GH1: variants seen among roughly 807,000 people sequenced by gnomAD.
GH1 encodes the protein growth hormone 1, also known as somatotropin.
GH1 carries 13 observed loss-of-function variants against 24.5 expected under a neutral mutation model. The ratio of observed to expected loss-of-function variants is 0.53; its 90% confidence interval spans 0.35 to 0.85. The LOEUF is 0.85. GH1 is among the 40% of genes least tolerant of loss of function. GH1 has a pLI of 0.01. For missense variants in GH1, 294 were observed against 273.2 expected (o/e 1.08, Z -0.54); for synonymous variants, 126 against 116.3 (o/e 1.08, Z -0.54).
chr17:63,918,058 T>A lies in GH1; in HGVS notation c.250A>T (p.Ile84Phe). 4 of 1,614,178 alleles carry A rather than the reference T, an allele frequency of 2.5e-6. No individual in the cohort carries two copies. Among genetic ancestry groups the A allele is most frequent in the Non-Finnish European group, 3.4e-6 (4 of 1,180,036 alleles). Residue 84 changes from isoleucine (I) to phenylalanine (F), a missense_variant, in exon 3 of 5, where the codon ATT becomes TTT. Transcript: ENST00000323322. ...TCCTCCCTGTTGGAGGGTGTCGGAATAGACTCTGAGAAACAGAGGGAGGTC... is the reference window on the plus strand; with the variant it reads ...TCCTCCCTGTTGGAGGGTGTCGGAAAAGACTCTGAGAAACAGAGGGAGGTC... The part of the protein sequence containing the change: ...PQTSLCFSES[I>F]PTPSNREETQ...
Position 63,917,822 on chromosome 17 carries a change from A to G in GH1, c.394T>C (p.Ser132Pro). ...VFANSLVYGA[S>P]DSNVYDLLKD... ...AGGAGGTCATAGACGTTGCTGTCAG[A>G]GGCGCCGTACACCAGGCTGTTGGCG... is the stretch of plus-strand genomic sequence containing the variant. The change falls in exon 4 of 5, where the codon TCT becomes CCT. Residue 132 changes from serine to proline, a missense_variant. Coordinates refer to ENST00000323322, the MANE Select transcript of GH1 (RefSeq NM_000515.5). The G allele has an allele frequency of 6.2e-7, 1 of 1,614,094 alleles. No individual in the cohort carries two copies. Among genetic ancestry groups the G allele is most frequent in the Non-Finnish European group, 8.5e-7 (1 of 1,180,022 alleles).
chr17:63,918,657 C>T (rs1044868684), intron 1 of GH1, 110 bp downstream of exon 1: 104 of 1,610,636 alleles, frequency 6.5e-5, no homozygotes, highest in African/African-American at 6.1e-4. Flanking sequence ...CATGGCGATA[C>T]TCACATTCAG....
rs1273874674 is a variant in GH1 at position 63,918,245 on chromosome 17, G to A, written c.171+101C>T. The A allele has an allele frequency of 3.1e-6, 5 of 1,611,466 alleles. No individual in the cohort carries two copies. In the Admixed American group the frequency reaches 6.7e-5, roughly 21 times the overall value. On this transcript the variant is annotated intron_variant, in intron 2 of 4. Coordinates refer to ENST00000323322, the MANE Select transcript of GH1 (RefSeq NM_000515.5). ...TCATCTGCCTGCATTTTCGCTTCGG[G>A]AAAAACCCTGAGCTCCTTAGTCTCC...
chr17:63,917,864 A>G lies in GH1; in HGVS notation c.352T>C (p.Phe118Leu), dbSNP rs372776291. ...CTGTTGGCGAAGACACTCCTGAGGA[A>G]CTGCACGGGCTCCAGCCACGACTGG... The part of the protein sequence containing the change: ...LIQSWLEPVQ[F>L]LRSVFANSLV... Residue 118 changes from phenylalanine to leucine, a missense_variant, in exon 4 of 5, where the codon TTC (phenylalanine) becomes CTC (leucine). By Grantham distance (22) the Phe-to-Leu change is conservative. Coordinates refer to ENST00000323322, the MANE Select transcript of GH1 (RefSeq NM_000515.5). The G allele has an allele frequency of 4.3e-5, 70 of 1,614,020 alleles. No individual in the cohort carries two copies. Among genetic ancestry groups the G allele is most frequent in the South Asian group, 3.2e-4 (29 of 91,084 alleles).
rs117839740 is a variant in GH1, at chr17:63,917,742, C to A, written c.456+18G>T. Reference sequence around the variant, plus strand: ...TCAGTGGGGCTCCAGGATTGGGGACCCCTGGCGCCACCCTCACCCCCATCA... The same window carrying A: ...TCAGTGGGGCTCCAGGATTGGGGACACCTGGCGCCACCCTCACCCCCATCA... On this transcript the variant is annotated intron_variant, in intron 4 of 4. Transcript: ENST00000323322. The A allele has an allele frequency of 6.3e-4, 1,022 of 1,614,148 alleles. 15 individuals carry two copies. In the East Asian group the frequency reaches 0.022, roughly 34 times the overall value.
In GH1 at chr17:63,918,124, T is replaced by C; in HGVS notation, c.184A>G (p.Ile62Val). The stretch of plus-strand genomic sequence containing the variant: ...AATGAATACTTCTGTTCCTTTGGGA[T>C]ATAGGCTTCTTCCTAGGAGAAGGAC... The part of the protein sequence containing the change: ...DTYQEFEEAY[I>V]PKEQKYSFLQ... Residue 62 changes from isoleucine (I) to valine (V), a missense_variant, in exon 3 of 5, where the codon ATC (isoleucine) becomes GTC (valine). Physicochemically the swap from Ile to Val is conservative, Grantham distance 29. Coordinates refer to ENST00000323322, the MANE Select transcript of GH1 (RefSeq NM_000515.5). 1 of 1,614,168 alleles carries C rather than the reference T, an allele frequency of 6.2e-7. No individual in the cohort carries two copies. Among genetic ancestry groups the C allele is most frequent in the South Asian group, 1.1e-5 (1 of 91,078 alleles).
chr17:63,917,941 G>A lies in GH1; in HGVS notation c.292-17C>T. ...CTCTAGGTTCTGCAGGGGAAGGACG[G>A]GCATTGGCTGTGCTGCCCGGGGGCT... On this transcript the variant is annotated splice_polypyrimidine_tract_variant and intron_variant, in intron 3 of 4. Transcript: ENST00000323322. 6.2e-7 allele frequency: 1 copy of A among 1,613,960 alleles called. No homozygotes were observed. Among genetic ancestry groups the A allele is most frequent in the South Asian group, 1.1e-5 (1 of 91,070 alleles).
rs1300545781 is a variant in GH1 at position 63,918,156 on chromosome 17, C to G, written c.172-20G>C. The G allele has an allele frequency of 3.7e-6, 6 of 1,614,014 alleles. No homozygotes were observed. Among genetic ancestry groups the G allele is most frequent in the Non-Finnish European group, 4.2e-6 (5 of 1,180,034 alleles). ...TTCTTCCTAGGAGAAGGACCGCCCACCAAGGTCTACGCTGGAGACCAGCTC... is the reference window on the plus strand; with the variant it reads ...TTCTTCCTAGGAGAAGGACCGCCCAGCAAGGTCTACGCTGGAGACCAGCTC... On this transcript the variant is annotated intron_variant, in intron 2 of 4. Transcript: ENST00000323322.
At chr17:63,918,257 G>A in intron 2 of GH1, 89 bp downstream of exon 2, 1 of 1,610,178 alleles carries the variant, frequency 6.2e-7, no homozygotes. Context: ...AAAACCCTGA[G>A]CTCCTTAGTC....
At position 63,917,744 on chromosome 17, in the gene GH1, C is replaced by T. The variant is rs369888723; in HGVS notation, c.456+16G>A. On this transcript the variant is annotated intron_variant, in intron 4 of 4. Transcript: ENST00000323322. ...AGTGGGGCTCCAGGATTGGGGACCC[C>T]TGGCGCCACCCTCACCCCCATCAGC... 1.7e-5 allele frequency: 28 copies of T among 1,614,066 alleles called. No individual in the cohort carries two copies. The highest frequency in any genetic ancestry group is 2.1e-5 in the Non-Finnish European group (25 of 1,180,018).
chr17:63,918,320 T>C (rs41295033), intron 2 of GH1, 26 bp downstream of exon 2: 18 of 1,613,918 alleles, frequency 1.1e-5, no homozygotes, highest in East Asian at 2.2e-5. Flanking sequence ...CCACCCCTGA[T>C]GCGCACCCAT....
In GH1 at chr17:63,918,062, C is replaced by T; in HGVS notation, c.246G>A (p.Glu82=). 6.2e-7 allele frequency: 1 copy of T among 1,614,162 alleles called. No individual in the cohort carries two copies. The highest frequency in any genetic ancestry group is 8.5e-7 in the Non-Finnish European group (1 of 1,180,026). The change falls in exon 3 of 5, where the codon GAG becomes GAA. Residue 82 remains glutamate (E), a synonymous_variant. Transcript: ENST00000323322. Reference sequence around the variant, plus strand: ...CCCTGTTGGAGGGTGTCGGAATAGACTCTGAGAAACAGAGGGAGGTCTGGG... The same window carrying T: ...CCCTGTTGGAGGGTGTCGGAATAGATTCTGAGAAACAGAGGGAGGTCTGGG... ...QNPQTSLCFS[E]SIPTPSNREE... is the part of the protein sequence containing the mutation.
rs1907442578 is a variant in GH1 at position 63,917,848 on chromosome 17, A to C, written c.368T>G (p.Phe123Cys). The change falls in exon 4 of 5, where the codon TTC becomes TGC. Residue 123 changes from phenylalanine to cysteine, a missense_variant. By Grantham distance (205) the Phe-to-Cys change is radical. Transcript: ENST00000323322. The part of the protein sequence containing the change: ...LEPVQFLRSV[F>C]ANSLVYGASD... ...GGCGCCGTACACCAGGCTGTTGGCG[A>C]AGACACTCCTGAGGAACTGCACGGG... 6.2e-7 allele frequency: 1 copy of C among 1,614,034 alleles called. No individual in the cohort carries two copies. Among genetic ancestry groups the C allele is most frequent in the Non-Finnish European group, 8.5e-7 (1 of 1,180,030 alleles).
rs757586741 is a variant in GH1 at position 63,917,960 on chromosome 17, G to C, written c.292-36C>G. ...AGGACGGGCATTGGCTGTGCTGCCC[G>C]GGGGCTCTGACTACAGGTCTCCCCC... is the stretch of plus-strand genomic sequence containing the variant. On this transcript the variant is annotated intron_variant, in intron 3 of 4. Transcript: ENST00000323322. 1.1e-5 allele frequency: 17 copies of C among 1,614,008 alleles called. No homozygotes were observed. In the African/African-American group the frequency reaches 1.9e-4, roughly 18 times the overall value.
rs151294724 is a variant in GH1 at position 63,918,469 on chromosome 17, G to C, written c.48C>G (p.Leu16=). The change falls in exon 2 of 5, where the codon CTC becomes CTG. Residue 16 remains leucine, a synonymous_variant. Coordinates refer to ENST00000323322, the MANE Select transcript of GH1 (RefSeq NM_000515.5). ...RTSLLLAFGL[L]CLPWLQEGSA... ...TGCCCTCTTGAAGCCAGGGCAGGCA[G>C]AGCAGGCCAAAAGCCAGGAGCAGGG... The C allele has an allele frequency of 3.7e-6, 6 of 1,614,082 alleles. No individual in the cohort carries two copies. The African/African-American group carries it at 8.0e-5, about 22-fold the overall frequency.
chr17:63,918,258 C>T, intron 2 of GH1, 88 bp downstream of exon 2: 3 of 1,609,698 alleles, frequency 1.9e-6, no homozygotes, highest in Non-Finnish European at 2.6e-6. Flanking sequence ...AAACCCTGAG[C>T]TCCTTAGTCT....
chr17:63,917,922 G>A lies in GH1; in HGVS notation c.294C>T (p.Asn98=), dbSNP rs768500322. 16 of 1,614,226 alleles carry A rather than the reference G, an allele frequency of 9.9e-6. No homozygotes were observed. The highest frequency in any genetic ancestry group is 2.2e-5 in the East Asian group (1 of 44,878). The change falls in exon 4 of 5, where the codon AAC becomes AAT. Residue 98 remains asparagine, a splice_region_variant and synonymous_variant. Coordinates refer to ENST00000323322, the MANE Select transcript of GH1 (RefSeq NM_000515.5). ...GCAGGGAGATGCGGAGCAGCTCTAG[G>A]TTCTGCAGGGGAAGGACGGGCATTG... is the stretch of plus-strand genomic sequence containing the variant. The part of the protein sequence containing the change: ...SNREETQQKS[N]LELLRISLLL...
rs1444130549 is a variant in GH1, at chr17:63,917,785, T to G, written c.431A>C (p.Glu144Ala). 1.2e-6 allele frequency: 2 copies of G among 1,614,196 alleles called. No homozygotes were observed. Among genetic ancestry groups the G allele is most frequent in the East Asian group, 2.2e-5 (1 of 44,892 alleles). The change falls in exon 4 of 5, where the codon GAG (glutamate) becomes GCG (alanine). Residue 144 changes from glutamate to alanine, a missense_variant. Physicochemically the swap from Glu to Ala is moderately radical, Grantham distance 107 (BLOSUM62 -1). Transcript: ENST00000323322. ...CCCCATCAGCGTTTGGATGCCTTCC[T>G]CTAGGTCCTTTAGGAGGTCATAGAC... ...SNVYDLLKDL[E>A]EGIQTLMGRL...
chr17:63,917,889 G>A lies in GH1; in HGVS notation c.327C>T (p.Ile109=), dbSNP rs139163836. The A allele has an allele frequency of 4.3e-6, 7 of 1,614,204 alleles. No individual in the cohort carries two copies. The highest frequency in any genetic ancestry group is 2.2e-5 in the East Asian group (1 of 44,872). Reference sequence around the variant, plus strand: ...ACTGCACGGGCTCCAGCCACGACTGGATGAGCAGCAGGGAGATGCGGAGCA... The same window carrying A: ...ACTGCACGGGCTCCAGCCACGACTGAATGAGCAGCAGGGAGATGCGGAGCA... The part of the protein sequence containing the change: ...LELLRISLLL[I]QSWLEPVQFL... Residue 109 remains isoleucine, a synonymous_variant, in exon 4 of 5, where the codon ATC becomes ATT. Coordinates refer to ENST00000323322, the MANE Select transcript of GH1 (RefSeq NM_000515.5).
Sources: allele counts gnomAD v4.1 joint callset, GRCh38; gene constraint gnomAD v4.1.1; transcripts MANE v1.5; gene names NCBI Gene and HGNC (gene_info 2026-07-23, HGNC 2026-07-21).